The following DAB1 variants were observed in gnomAD, a reference collection of about 807,000 sequenced individuals.
DAB1 encodes the protein DAB adaptor protein 1.
DAB1 carries 15 observed loss-of-function variants against 64.6 expected under a neutral mutation model. The ratio of observed to expected loss-of-function variants is 0.23; its 90% confidence interval spans 0.16 to 0.36. The LOEUF (loss-of-function observed/expected upper bound fraction) is 0.36, where lower values mean the gene tolerates loss of function less well. DAB1 is among the 10% of genes least tolerant of loss of function. The pLI, the probability that DAB1 is intolerant of heterozygous loss-of-function variation, is 1.00. For synonymous variants in DAB1, 235 were observed against 251.9 expected (o/e 0.93, Z 0.64); for missense variants, 596 against 706.7 (o/e 0.84, Z 1.78).
intron 3 of DAB1, among the ~76,000 whole-genome samples, chr1:58,452,858 A>T (rs184421254): frequency 1.3e-5 from 2 of 151,998 alleles, no homozygotes; most frequent in African/African-American, 4.8e-5. Context: ...ACAAAACAAA[A>T]AAAAAACAAA....
At chr1:58,319,522 TC>T (rs746812734) in intron 4 of DAB1, among the ~76,000 whole-genome samples, 7 of 152,172 alleles carry the variant, frequency 4.6e-5, no homozygotes, top group Non-Finnish European at 8.8e-5. Context: ...TCTTCTCCAC[TC>T]CTCTCTGAAC....
At chr1:57,501,559 C>T (rs1469397612) in intron 7 of DAB1, among the ~76,000 whole-genome samples, 2 of 152,188 alleles carry the variant, frequency 1.3e-5, no homozygotes, top group African/African-American at 4.8e-5. Flanking sequence ...TTGGAAACAT[C>T]TGAACATTGA....
At chr1:57,531,063 C>T (rs566288993) in intron 7 of DAB1, among the ~76,000 whole-genome samples, 194 of 152,250 alleles carry the variant, frequency 1.3e-3, no homozygotes, top group African/African-American at 4.4e-3. Flanking sequence ...GTCAAGCCTC[C>T]GAGCCCAAGC....
chr1:57,906,785 T>C (rs1466349669), intron 5 of DAB1, among the ~76,000 whole-genome samples: 1 of 152,178 alleles, frequency 6.6e-6, no homozygotes, highest in Non-Finnish European at 1.5e-5. Flanking sequence ...CTGAATAGAA[T>C]GACTGCCTAA....
At position 58,533,305 on chromosome 1, in the gene DAB1, G is replaced by A. The variant is rs539237988; in HGVS notation, n.33-5970C>T. ...CTGGACTAACATACAGAAGACCCAC[G>A]TTAAAGTCCCAGTTCGGTTACTTTG... On this transcript the variant is annotated intron_variant and non_coding_transcript_variant, in intron 1 of 20. Transcript: ENST00000485760. Among the ~76,000 whole-genome samples, 10 of 152,260 alleles carry A rather than the reference G, an allele frequency of 6.6e-5. No individual in the cohort carries two copies. The South Asian group carries it at 1.5e-3, about 22-fold the overall frequency.
intron 7 of DAB1, among the ~76,000 whole-genome samples, chr1:57,611,243 G>C (rs1353953619): frequency 6.6e-6 from 1 of 151,116 alleles, no homozygotes; most frequent in Non-Finnish European, 1.5e-5. Context: ...TAACAGGTGA[G>C]AGCCACTGCC....
At chr1:57,032,786 G>C (rs543446289) in intron 9 of DAB1, among the ~76,000 whole-genome samples, 78 of 152,308 alleles carry the variant, frequency 5.1e-4, no homozygotes, top group African/African-American at 1.7e-3. Flanking sequence ...CTGTATTTAG[G>C]AGTGGTAATA....
At chr1:57,934,271 C>A (rs1443249227) in intron 5 of DAB1, among the ~76,000 whole-genome samples, 1 of 151,996 alleles carries the variant, frequency 6.6e-6, no homozygotes, top group African/African-American at 2.4e-5. Flanking sequence ...GTAGTGGTAG[C>A]TCATTGTGAG....
At chr1:57,735,820 A>G (rs1376497831) in intron 6 of DAB1, among the ~76,000 whole-genome samples, 1 of 152,082 alleles carries the variant, frequency 6.6e-6, no homozygotes, top group Non-Finnish European at 1.5e-5. Flanking sequence ...TCCTCCCATC[A>G]GAAAAAATGT....
chr1:57,488,647 G>C (rs868371504), intron 7 of DAB1, among the ~76,000 whole-genome samples: 42 of 151,906 alleles, frequency 2.8e-4, no homozygotes, highest in Non-Finnish European at 1.0e-4. Context: ...TTGCACTCCA[G>C]CCTGGGCAAC....
chr1:57,443,928 T>C (rs1466388890), intron 7 of DAB1, among the ~76,000 whole-genome samples: 1 of 152,204 alleles, frequency 6.6e-6, no homozygotes, highest in Non-Finnish European at 1.5e-5. Context: ...ACCCTGATGA[T>C]AACGTGTTGA....
intron 7 of DAB1, among the ~76,000 whole-genome samples, chr1:57,647,811 G>A (rs1434027142): frequency 1.3e-5 from 2 of 152,184 alleles, no homozygotes; most frequent in African/African-American, 4.8e-5. Flanking sequence ...AAAGGACTAT[G>A]GTGACTTGGA....
chr1:57,419,745 A>G (rs1037165135), intron 1 of DAB1, among the ~76,000 whole-genome samples: 12 of 152,228 alleles, frequency 7.9e-5, no homozygotes, highest in African/African-American at 2.7e-4. Context: ...AAGTACTGTT[A>G]TTTCATTATA....
At chr1:57,188,425 A>G (rs973996937) in intron 2 of DAB1, among the ~76,000 whole-genome samples, 1 of 152,230 alleles carries the variant, frequency 6.6e-6, no homozygotes, top group African/African-American at 2.4e-5. Context: ...GGAGGAATAA[A>G]GTATCCTGAG....
intron 3 of DAB1, among the ~76,000 whole-genome samples, chr1:58,369,804 A>G (rs927495185): frequency 6.6e-6 from 1 of 152,276 alleles, no homozygotes; most frequent in South Asian, 2.1e-4. Flanking sequence ...TTTGAAACAC[A>G]TGGTGACTGG....
chr1:57,984,254 AAG>A (rs1254814233), intron 5 of DAB1, among the ~76,000 whole-genome samples: 1 of 143,400 alleles, frequency 7.0e-6, no homozygotes, highest in East Asian at 2.0e-4. Context: ...GAAAGAAAGA[AAG>A]AAAGAAAAAA....
At chr1:58,185,264 T>C (rs1464846332) in intron 4 of DAB1, among the ~76,000 whole-genome samples, 2 of 152,166 alleles carry the variant, frequency 1.3e-5, no homozygotes, top group African/African-American at 2.4e-5. Flanking sequence ...ATGGGTAAGA[T>C]GTCATGGGTT....
intron 7 of DAB1, among the ~76,000 whole-genome samples, chr1:57,590,498 G>GT (rs916798149): frequency 6.6e-6 from 1 of 151,222 alleles, no homozygotes; most frequent in African/African-American, 2.4e-5. Context: ...TTTTTTGTTT[G>GT]TTTTTTGTAT....
intron 4 of DAB1, among the ~76,000 whole-genome samples, chr1:58,325,123 T>C (rs970260634): frequency 6.6e-6 from 1 of 152,184 alleles, no homozygotes; most frequent in Non-Finnish European, 1.5e-5. Context: ...GAGTCTCTGA[T>C]TGGACAACTG....
Sources: allele counts gnomAD v4.1 joint callset (sites outside exome capture counted in the v4.1 genomes callset), GRCh38; gene constraint gnomAD v4.1.1; transcripts MANE v1.5; gene names NCBI Gene and HGNC (gene_info 2026-07-23, HGNC 2026-07-21).